Variants in RASSF3 observed in about 807,000 individuals in gnomAD.
RASSF3 encodes Ras association domain family member 3, also known as ras association domain-containing protein 3.
RASSF3 carries 19 observed loss-of-function variants against 19.9 expected under a neutral mutation model. That is an observed-to-expected ratio of 0.96 (90% confidence interval 0.67 to 1.40). RASSF3 has a LOEUF of 1.40. Ranked by LOEUF, RASSF3 falls within the 40% of genes most tolerant of loss-of-function variation. The probability of loss-of-function intolerance (pLI) is 0.00; values close to 1 mark genes in which losing one functional copy is unlikely to be tolerated. For missense variants in RASSF3, 306 were observed against 289.8 expected (o/e 1.06, Z -0.41); for synonymous variants, 110 against 104.2 (o/e 1.06, Z -0.34).
chr12:64,569,865 T>G (rs1178806195), intron 2 of RASSF3, among the ~76,000 whole-genome samples: 1 of 152,152 alleles, frequency 6.6e-6, no homozygotes, highest in African/African-American at 2.4e-5. Flanking sequence ...CTTGGGAGGC[T>G]GAGGCAGGAG....
chr12:64,610,707 G>C lies in RASSF3; in HGVS notation c.75G>C (p.Arg25Ser), dbSNP rs750263612. The C allele has an allele frequency of 3.1e-6, 5 of 1,594,956 alleles. No individual in the cohort carries two copies. The highest frequency in any genetic ancestry group is 4.3e-6 in the Non-Finnish European group (5 of 1,172,448). ...FFFTARTSFF[R>S]RAPQGKPRSG... ...TCACCGCCAGGACCTCCTTCTTCAG[G>C]AGAGCGCCCCAGGGCAAGCCCCGCT... The change falls in exon 1 of 5, where the codon AGG (arginine) becomes AGC (serine). Residue 25 changes from arginine to serine, a missense_variant. Coordinates refer to ENST00000542104, the MANE Select transcript of RASSF3 (RefSeq NM_178169.4).
At chr12:64,623,648 C>A (rs1465416389) in intron 1 of RASSF3, among the ~76,000 whole-genome samples, 2 of 151,902 alleles carry the variant, frequency 1.3e-5, no homozygotes, top group Non-Finnish European at 2.9e-5. Flanking sequence ...ATTTTATTTT[C>A]TTTTATTTTT....
At chr12:64,617,944 T>TTGA (rs1231910460) in intron 1 of RASSF3, among the ~76,000 whole-genome samples, 5 of 152,232 alleles carry the variant, frequency 3.3e-5, no homozygotes, top group African/African-American at 1.2e-4. Flanking sequence ...CATTTCCTTA[T>TTGA]TGATGACTGT....
chr12:64,635,973 CTA>C (rs1871315793), intron 1 of RASSF3, among the ~76,000 whole-genome samples: 1 of 152,068 alleles, frequency 6.6e-6, no homozygotes, highest in Non-Finnish European at 1.5e-5. Context: ...AATTCCGAAA[CTA>C]TATTTCTTAT....
intron 1 of RASSF3, among the ~76,000 whole-genome samples, chr12:64,638,579 C>CAA (rs544521268): frequency 0.13 from 14,227 of 111,240 alleles, 974 homozygotes; most frequent in African/African-American, 0.21. Context: ...GACTCCGTCT[C>CAA]AAAAAAAAAA....
chr12:64,597,660 G>T (rs985806069), intron 2 of RASSF3, among the ~76,000 whole-genome samples: 2 of 151,792 alleles, frequency 1.3e-5, no homozygotes, highest in Admixed American at 6.6e-5. Flanking sequence ...GTTTCACCAT[G>T]TTGCCCAGGC....
intron 1 of RASSF3, among the ~76,000 whole-genome samples, chr12:64,521,979 T>C (rs1337256900): frequency 2.0e-5 from 3 of 152,220 alleles, no homozygotes; most frequent in Admixed American, 6.5e-5. Context: ...TTCATCTCAA[T>C]TGGAGAAGGG....
intron 3 of RASSF3, 90 bp downstream of exon 3, chr12:64,688,543 C>G (rs1873450587): frequency 1.1e-6 from 1 of 939,706 alleles, no homozygotes; most frequent in Non-Finnish European, 1.7e-6. Context: ...GGGTCTCATC[C>G]ATGTCAGTTG....
intron 1 of RASSF3, among the ~76,000 whole-genome samples, chr12:64,510,144 T>C (rs1489642044): frequency 6.6e-6 from 1 of 152,130 alleles, no homozygotes; most frequent in Non-Finnish European, 1.5e-5. Context: ...AATGGGATTA[T>C]TTAAATATAT....
At chr12:64,601,804 C>T (rs371212825) in intron 2 of RASSF3, among the ~76,000 whole-genome samples, 1 of 150,986 alleles carries the variant, frequency 6.6e-6, no homozygotes. Flanking sequence ...GAGAGCAAGA[C>T]TCTGTCTCTT....
At chr12:64,655,459 C>T (rs1872122175) in intron 1 of RASSF3, among the ~76,000 whole-genome samples, 1 of 152,018 alleles carries the variant, frequency 6.6e-6, no homozygotes, top group African/African-American at 2.4e-5. Context: ...AAATGCATAA[C>T]ATACATATAT....
intron 2 of RASSF3, among the ~76,000 whole-genome samples, chr12:64,555,638 A>C (rs1266494052): frequency 6.6e-6 from 1 of 151,954 alleles, no homozygotes; most frequent in Non-Finnish European, 1.5e-5. Flanking sequence ...AGTCCCAGCT[A>C]CTCGGGAGGC....
At chr12:64,543,335 C>T (rs1868974675), downstream of RASSF3, among the ~76,000 whole-genome samples, 2 of 151,140 alleles carry the variant, frequency 1.3e-5, no homozygotes. Flanking sequence ...CAGCGCTGCG[C>T]TCGATTTCTC....
intron 4 of RASSF3, 70 bp from the exon 5 acceptor site, chr12:64,694,693 C>T (rs1303962316): frequency 6.4e-7 from 1 of 1,560,032 alleles, no homozygotes; most frequent in East Asian, 2.2e-5. Flanking sequence ...TCTGGGAGCT[C>T]CTGGTCAGCA....
At chr12:64,519,452 C>G (rs1045679139) in intron 1 of RASSF3, among the ~76,000 whole-genome samples, 3 of 151,968 alleles carry the variant, frequency 2.0e-5, no homozygotes, top group Non-Finnish European at 4.4e-5. Context: ...GAAATCAGAT[C>G]AGAGGTTGCC....
chr12:64,526,032 T>C (rs1037601168), intron 1 of RASSF3, among the ~76,000 whole-genome samples: 1 of 152,186 alleles, frequency 6.6e-6, no homozygotes. Flanking sequence ...AGAATTGCCT[T>C]CATTTCTCAC....
At chr12:64,632,563 C>A (rs143753687) in intron 1 of RASSF3, among the ~76,000 whole-genome samples, 19 of 151,846 alleles carry the variant, frequency 1.3e-4, no homozygotes, top group African/African-American at 4.3e-4. Context: ...ACCTGATCGA[C>A]CAGGGTGAGG....
At chr12:64,637,533 A>C (rs970209705) in intron 1 of RASSF3, among the ~76,000 whole-genome samples, 1 of 150,418 alleles carries the variant, frequency 6.6e-6, no homozygotes, top group Non-Finnish European at 1.5e-5. Context: ...GGGTTCCAGC[A>C]ATTCTCATGC....
intron 1 of RASSF3, among the ~76,000 whole-genome samples, chr12:64,634,057 C>T (rs967676314): frequency 6.6e-6 from 1 of 152,124 alleles, no homozygotes; most frequent in Non-Finnish European, 1.5e-5. Context: ...TGGCTTGAGC[C>T]TGGGAGGCAG....
Sources: allele counts gnomAD v4.1 joint callset (sites outside exome capture counted in the v4.1 genomes callset), GRCh38; gene constraint gnomAD v4.1.1; transcripts MANE v1.5; gene names NCBI Gene and HGNC (gene_info 2026-07-23, HGNC 2026-07-21).